TM9SF2: variants seen among roughly 807,000 people sequenced by gnomAD.
TM9SF2 encodes the protein transmembrane 9 superfamily member 2.
Under a neutral mutation model 84.9 loss-of-function variants are expected in TM9SF2, and 13 were observed. The observed-to-expected ratio is 0.15, with a 90% CI of 0.10 to 0.24. The LOEUF is 0.24. Among genes scored for constraint, TM9SF2 ranks in the 10% least tolerant of loss-of-function variants. The pLI is 1.00. For synonymous variants in TM9SF2, 273 were observed against 285.8 expected, an observed-to-expected ratio of 0.96 and a Z score of 0.45; for missense variants, 562 against 818.5, an observed-to-expected ratio of 0.69 and a Z score of 3.82.
chr13:99,529,337 A>AT, intron 3 of TM9SF2, 130 bp from the exon 4 acceptor site: 1 of 772,484 alleles, frequency 1.3e-6, no homozygotes, highest in Non-Finnish European at 1.8e-6. Flanking sequence ...GAATTTAAAA[A>AT]TTTATTTATT....
chr13:99,520,690 T>C (rs374870106), intron 3 of TM9SF2, among the ~76,000 whole-genome samples: 102 of 152,278 alleles, frequency 6.7e-4, no homozygotes, highest in African/African-American at 2.3e-3. Flanking sequence ...TGCCTCAGCT[T>C]CCCGAGTAGC....
rs1352358555 is a variant in TM9SF2 at position 99,509,988 on chromosome 13, C to T, written c.172-7626C>T. Reference sequence around the variant, plus strand: ...GCTAAGATAGGCTGTTAGAAGCAGCCAGGTTACCTCTTGAATACTTTGCTG... The same window carrying T: ...GCTAAGATAGGCTGTTAGAAGCAGCTAGGTTACCTCTTGAATACTTTGCTG... On this transcript the variant is annotated intron_variant, in intron 1 of 16. Transcript: ENST00000376387. Among the ~76,000 whole-genome samples, 5 of 152,158 alleles carry T rather than the reference C, an allele frequency of 3.3e-5. No individual in the cohort carries two copies. In the East Asian group the frequency reaches 9.6e-4, roughly 29 times the overall value.
intron 14 of TM9SF2, 40 bp downstream of exon 14, chr13:99,554,495 A>T: frequency 6.3e-7 from 1 of 1,585,694 alleles, no homozygotes. Flanking sequence ...CATTACCATT[A>T]TATGTAATAT....
intron 1 of TM9SF2, among the ~76,000 whole-genome samples, chr13:99,516,212 T>G (rs1010591492): frequency 6.6e-6 from 1 of 152,340 alleles, no homozygotes; most frequent in African/African-American, 2.4e-5. Context: ...CTGCTGTGTT[T>G]TGCTGCCTTT....
chr13:99,528,550 T>G (rs1420815598), intron 3 of TM9SF2, among the ~76,000 whole-genome samples: 1 of 152,226 alleles, frequency 6.6e-6, no homozygotes, highest in African/African-American at 2.4e-5. Context: ...TGGTGTAATA[T>G]TGTCTCTCTG....
In TM9SF2 at chr13:99,543,913, C is replaced by A. The variant is rs777121879; in HGVS notation, c.1068C>A (p.Phe356Leu). The A allele has an allele frequency of 6.2e-7, 1 of 1,614,110 alleles. No homozygotes were observed. The highest frequency in any genetic ancestry group is 8.5e-7 in the Non-Finnish European group (1 of 1,180,026). ...GGAAACTTGTTCATGGTGATATATT[C>A]CGTCCTCCAAGAAAAGGGATGCTGC... ...FGWKLVHGDI[F>L]RPPRKGMLLS... The change falls in exon 10 of 17, where the codon TTC becomes TTA. Residue 356 changes from phenylalanine (F) to leucine (L), a missense_variant. Around this residue, in one of 4 missense-constraint regions of TM9SF2, gnomAD observed 219 missense variants for 338.1 expected, o/e 0.65. Transcript: ENST00000376387.
In TM9SF2 at chr13:99,501,785, A is replaced by G; in HGVS notation, c.171+8A>G. 2 of 1,605,626 alleles carry G rather than the reference A, an allele frequency of 1.2e-6. No individual in the cohort carries two copies. The highest frequency in any genetic ancestry group is 1.7e-4 in the Middle Eastern group (1 of 6,042). ...AAGAGCGACGAGTGCAAGGTGGGTG[A>G]GGCCTGACGAGCCCTCTGATGCACT... is the stretch of plus-strand genomic sequence containing the variant. On this transcript the variant is annotated splice_region_variant and intron_variant, in intron 1 of 16. Coordinates refer to ENST00000376387, the MANE Select transcript of TM9SF2 (RefSeq NM_004800.3).
chr13:99,532,988 A>G (rs888397533), intron 4 of TM9SF2, among the ~76,000 whole-genome samples: 1 of 152,232 alleles, frequency 6.6e-6, no homozygotes, highest in Non-Finnish European at 1.5e-5. Flanking sequence ...GTTGATTCAC[A>G]TTGATGAATT....
intron 16 of TM9SF2, 77 bp from the exon 17 acceptor site, chr13:99,562,614 C>A (rs2139117433): frequency 7.1e-7 from 1 of 1,402,046 alleles, no homozygotes; most frequent in Non-Finnish European, 9.9e-7. Flanking sequence ...AGGAACCAGT[C>A]ATTGTAAGTC....
At chr13:99,544,970 A>G (rs2046276801) in intron 10 of TM9SF2, among the ~76,000 whole-genome samples, 1 of 152,154 alleles carries the variant, frequency 6.6e-6, no homozygotes, top group African/African-American at 2.4e-5. Context: ...ACTGTCTTCC[A>G]GTTTCCTTAA....
rs1024366076 is a variant in TM9SF2 at position 99,550,126 on chromosome 13, C to G, written c.1328+904C>G. Among the ~76,000 whole-genome samples, 11 of 152,232 alleles carry G rather than the reference C, an allele frequency of 7.2e-5. No individual in the cohort carries two copies. The East Asian group carries it at 2.1e-3, about 29-fold the overall frequency. ...CTTTTCAGGCACCTCTCCCTCTAGT[C>G]TCACACATCTTCCATTGCTCCCTTC... On this transcript the variant is annotated intron_variant, in intron 12 of 16. Coordinates refer to ENST00000376387, the MANE Select transcript of TM9SF2 (RefSeq NM_004800.3).
intron 2 of TM9SF2, 72 bp downstream of exon 2, chr13:99,517,753 GT>G: frequency 9.5e-7 from 1 of 1,047,854 alleles, no homozygotes; most frequent in Non-Finnish European, 1.4e-6. Context: ...TGAGAACTTT[GT>G]TTTCTCACAG....
rs1476326975 is a variant in TM9SF2 at position 99,501,553 on chromosome 13, C to G, written c.-54C>G. 9 of 1,583,124 alleles carry G rather than the reference C, an allele frequency of 5.7e-6. No individual in the cohort carries two copies. In the Admixed American group the frequency reaches 7.2e-5, roughly 13 times the overall value. ...TAGTCGTCTCCGAGACTCCCCACCC[C>G]TCCTTCCCTCTTGACCCCCTAGGTT... is the stretch of plus-strand genomic sequence containing the variant. On this transcript the variant is annotated 5_prime_UTR_variant, in exon 1 of 17. Coordinates refer to ENST00000376387, the MANE Select transcript of TM9SF2 (RefSeq NM_004800.3).
intron 10 of TM9SF2, 145 bp downstream of exon 10, chr13:99,544,140 A>C: frequency 1.2e-6 from 1 of 825,624 alleles, no homozygotes; most frequent in Non-Finnish European, 1.8e-6. Flanking sequence ...TGACAAGGTC[A>C]GGAGTTTGAG....
intron 1 of TM9SF2, among the ~76,000 whole-genome samples, chr13:99,504,299 G>T (rs1020248576): frequency 1.3e-5 from 2 of 152,168 alleles, no homozygotes; most frequent in East Asian, 1.9e-4. Context: ...TTTTCCAAAA[G>T]ATGCTGTTAA....
At chr13:99,555,418 T>G in intron 14 of TM9SF2, 118 bp from the exon 15 acceptor site, 5 of 703,858 alleles carry the variant, frequency 7.1e-6, no homozygotes, top group East Asian at 2.8e-5. Context: ...ATTCGTCTTG[T>G]TTGGTTAGTT....
chr13:99,543,061 G>T (rs143795058), intron 9 of TM9SF2, among the ~76,000 whole-genome samples: 6 of 152,288 alleles, frequency 3.9e-5, no homozygotes, highest in Non-Finnish European at 7.4e-5. Flanking sequence ...CTCAGACCAG[G>T]CAGACATAGG....
chr13:99,559,316 T>C (rs771364037), intron 15 of TM9SF2, 47 bp from the exon 16 acceptor site: 5 of 1,485,854 alleles, frequency 3.4e-6, no homozygotes, highest in South Asian at 1.4e-5. Context: ...CTACATCTTA[T>C]CTATTAATTG....
rs1350744992 is a variant in TM9SF2, at chr13:99,539,471, C to T, written c.742C>T (p.Pro248Ser). ...KSFKHTHIDK[P>S]DCSGPPMDIS... Reference sequence around the variant, plus strand: ...CTTCAAACATACCCATATAGATAAACCAGACTGCTCAGGGCCCCCCATGGA... The same window carrying T: ...CTTCAAACATACCCATATAGATAAATCAGACTGCTCAGGGCCCCCCATGGA... The change falls in exon 7 of 17, where the codon CCA (proline) becomes TCA (serine). Residue 248 changes from proline to serine, a missense_variant. Pro to Ser is a moderately conservative substitution (Grantham distance 74). Around this residue, in one of 4 missense-constraint regions of TM9SF2, gnomAD observed 267 missense variants for 316.7 expected, o/e 0.84. Coordinates refer to ENST00000376387, the MANE Select transcript of TM9SF2 (RefSeq NM_004800.3). The T allele has an allele frequency of 1.7e-5, 28 of 1,613,544 alleles. No homozygotes were observed. The highest frequency in any genetic ancestry group is 2.3e-5 in the Non-Finnish European group (27 of 1,179,540).
Sources: gnomAD v4.1 joint callset for allele counts (sites outside exome capture counted in the v4.1 genomes callset) on GRCh38, gnomAD v4.1.1 for gene constraint, gnomAD v4.1.1 regional missense constraint, MANE v1.5 for transcripts, NCBI Gene and HGNC (gene_info 2026-07-23, HGNC 2026-07-21) for gene names.